SLC8A3: variants seen among roughly 807,000 people sequenced by gnomAD.
The protein encoded by SLC8A3 is sodium/calcium exchanger 3.
SLC8A3 carries 37 observed loss-of-function variants against 65.4 expected under a neutral mutation model. The observed-to-expected ratio is 0.57, with a 90% CI of 0.44 to 0.74. SLC8A3 has a LOEUF of 0.74. SLC8A3 is among the 30% of genes least tolerant of loss of function. The pLI, the probability that SLC8A3 is intolerant of heterozygous loss-of-function variation, is 0.00. For synonymous variants in SLC8A3, 461 were observed against 444.5 expected, an observed-to-expected ratio of 1.04 and a Z score of -0.47; for missense variants, 1,112 against 1,172.1, an observed-to-expected ratio of 0.95 and a Z score of 0.75.
rs547025911 is a variant in SLC8A3 at position 70,118,685 on chromosome 14, A to G, written c.1784+47954T>C. 2.0e-5 allele frequency among the ~76,000 whole-genome samples: 3 copies of G among 152,338 alleles called. No homozygotes were observed. The East Asian group carries it at 5.8e-4, about 29-fold the overall frequency. On this transcript the variant is annotated intron_variant, in intron 2 of 6. Coordinates refer to ENST00000356921, the MANE Select transcript of SLC8A3 (RefSeq NM_182932.3). ...CCATCTGTCCAACATATCACAATAT[A>G]AAGCCTCAAAAGACATTCCAAGAGG...
intron 2 of SLC8A3, 106 bp downstream of exon 2, chr14:70,166,533 C>A: frequency 1.4e-6 from 1 of 711,674 alleles, no homozygotes; most frequent in Non-Finnish European, 2.4e-6. Context: ...CAAAGTTTGA[C>A]ATTAACACAA....
chr14:70,108,743 A>G (rs1188660476), intron 2 of SLC8A3, among the ~76,000 whole-genome samples: 1 of 152,232 alleles, frequency 6.6e-6, no homozygotes, highest in African/African-American at 2.4e-5. Flanking sequence ...ATATTATTTT[A>G]TAATGCAAAA....
At chr14:70,088,176 A>G (rs928194112) in intron 2 of SLC8A3, among the ~76,000 whole-genome samples, 1 of 152,242 alleles carries the variant, frequency 6.6e-6, no homozygotes, top group Non-Finnish European at 1.5e-5. Context: ...TTTAGCAGAC[A>G]GTGGGTAGGC....
intron 2 of SLC8A3, among the ~76,000 whole-genome samples, chr14:70,152,817 T>C (rs1295702159): frequency 1.3e-5 from 2 of 152,368 alleles, no homozygotes; most frequent in Middle Eastern, 3.4e-3. Context: ...GGAAAGGTTC[T>C]GGGCAGCTGA....
chr14:70,082,285 G>GC (rs1489544004), intron 2 of SLC8A3, among the ~76,000 whole-genome samples: 2 of 144,620 alleles, frequency 1.4e-5, no homozygotes, highest in African/African-American at 5.8e-5. Context: ...ATAATTTCTT[G>GC]GGGGGGTGAC....
intron 2 of SLC8A3, among the ~76,000 whole-genome samples, chr14:70,063,332 T>C (rs1889030155): frequency 6.6e-6 from 1 of 152,128 alleles, no homozygotes; most frequent in African/African-American, 2.4e-5. Flanking sequence ...GTAATCCAAA[T>C]ACATTGATTC....
At chr14:70,149,192 T>G (rs563969586) in intron 2 of SLC8A3, among the ~76,000 whole-genome samples, 1 of 152,344 alleles carries the variant, frequency 6.6e-6, no homozygotes, top group African/African-American at 2.4e-5. Context: ...GGAAACTGCC[T>G]TGCTTAGGTA....
At chr14:70,159,600 G>C (rs1896767868) in intron 2 of SLC8A3, among the ~76,000 whole-genome samples, 1 of 152,206 alleles carries the variant, frequency 6.6e-6, no homozygotes, top group Admixed American at 6.5e-5. Context: ...AAGTTGGACA[G>C]CCAGAAAGAG....
chr14:70,055,871 C>T (rs1888057698), intron 3 of SLC8A3: 1 of 1,511,066 alleles, frequency 6.6e-7, no homozygotes, highest in Non-Finnish European at 9.1e-7. Flanking sequence ...GCATTAATGT[C>T]CCATCTTGAA....
Position 70,168,221 on chromosome 14 carries a change from G to C in SLC8A3, c.202C>G (p.Pro68Ala), listed in dbSNP as rs1480345452. 1 of 1,614,130 alleles carries C rather than the reference G, an allele frequency of 6.2e-7. No homozygotes were observed. The highest frequency in any genetic ancestry group is 2.2e-5 in the East Asian group (1 of 44,872). Residue 68 changes from proline (P) to alanine (A), a missense_variant, in exon 2 of 7, where the codon CCT becomes GCT. Transcript: ENST00000356921. ...CTGGCAATCTTGTCCCCAAGGGAAGGGTTCTCCGGGTACCAGATTGGCAGG... is the reference window on the plus strand; with the variant it reads ...CTGGCAATCTTGTCCCCAAGGGAAGCGTTCTCCGGGTACCAGATTGGCAGG... ...VILPIWYPENPSLGDKIARVI... is the reference protein window; with the variant it reads ...VILPIWYPENASLGDKIARVI...
At chr14:70,111,048 C>G (rs531039561) in intron 2 of SLC8A3, among the ~76,000 whole-genome samples, 61 of 152,188 alleles carry the variant, frequency 4.0e-4, no homozygotes, top group Non-Finnish European at 7.5e-4. Flanking sequence ...ATTGGTGGAT[C>G]ACACGGTAGC....
rs1888721873 is a variant in SLC8A3 at position 70,060,877 on chromosome 14, A to G, written c.1847T>C (p.Ile616Thr). ...EEYERQENFF[I>T]ALGEPKWMER... ...CATCCATTTCGGTTCACCAAGGGCA[A>G]TGAAGAAATTCTCTTGCCTTTCGTA... The change falls in exon 3 of 7, where the codon ATT becomes ACT. Residue 616 changes from isoleucine (I) to threonine (T), a missense_variant. Transcript: ENST00000356921. The G allele has an allele frequency of 6.5e-7, 1 of 1,534,582 alleles. No homozygotes were observed. Among genetic ancestry groups the G allele is most frequent in the Non-Finnish European group, 8.7e-7 (1 of 1,144,824 alleles).
intron 2 of SLC8A3, among the ~76,000 whole-genome samples, chr14:70,165,174 A>G (rs1010493212): frequency 2.0e-5 from 3 of 152,380 alleles, no homozygotes; most frequent in Middle Eastern, 3.4e-3. Flanking sequence ...CCCAGTTTGC[A>G]TATCAGAAAG....
At chr14:70,132,555 G>T (rs1594731127) in intron 2 of SLC8A3, among the ~76,000 whole-genome samples, 1 of 152,192 alleles carries the variant, frequency 6.6e-6, no homozygotes, top group East Asian at 1.9e-4. Flanking sequence ...GGCTCTGGCT[G>T]CGGTGACCTG....
chr14:70,120,578 G>A (rs192282809), intron 2 of SLC8A3, among the ~76,000 whole-genome samples: 2 of 152,100 alleles, frequency 1.3e-5, no homozygotes, highest in African/African-American at 2.4e-5. Context: ...AAAATCCCTC[G>A]CAAGAATGGT....
intron 2 of SLC8A3, among the ~76,000 whole-genome samples, chr14:70,104,901 A>G (rs1049294198): frequency 6.6e-6 from 1 of 152,204 alleles, no homozygotes; most frequent in Non-Finnish European, 1.5e-5. Context: ...CCAGAAAAAA[A>G]AATGAACAAA....
intron 2 of SLC8A3, among the ~76,000 whole-genome samples, chr14:70,114,801 C>T (rs1893548724): frequency 2.0e-5 from 3 of 152,188 alleles, no homozygotes; most frequent in African/African-American, 7.2e-5. Context: ...TCTGCAGAGG[C>T]TCTGAGGAGA....
At chr14:70,066,969 C>T (rs1334368543) in intron 2 of SLC8A3, among the ~76,000 whole-genome samples, 1 of 152,158 alleles carries the variant, frequency 6.6e-6, no homozygotes, top group Non-Finnish European at 1.5e-5. Context: ...AAAATGCAGC[C>T]CAGGTCCTAT....
At chr14:70,047,299 T>G (rs1278152738) in intron 6 of SLC8A3, 1 of 152,260 alleles carries the variant, frequency 6.6e-6, no homozygotes, top group Non-Finnish European at 1.5e-5. Flanking sequence ...TTCTTGCCTA[T>G]GGCCTTGTTT....
Sources: gnomAD v4.1 joint callset for allele counts (sites outside exome capture counted in the v4.1 genomes callset) on GRCh38, gnomAD v4.1.1 for gene constraint, MANE v1.5 for transcripts, NCBI Gene and HGNC (gene_info 2026-07-23, HGNC 2026-07-21) for gene names.